COL19A1: variants seen among roughly 807,000 people sequenced by gnomAD.
COL19A1 encodes collagen type XIX alpha 1 chain.
Under a neutral mutation model 190.2 loss-of-function variants are expected in COL19A1, and 159 were observed. The observed-to-expected ratio is 0.84, with a 90% CI of 0.73 to 0.95. The LOEUF (loss-of-function observed/expected upper bound fraction) is 0.95, where lower values mean the gene tolerates loss of function less well. Among genes scored for constraint, COL19A1 ranks in the 40% least tolerant of loss-of-function variants. The pLI, the probability that COL19A1 is intolerant of heterozygous loss-of-function variation, is 0.00. For synonymous variants in COL19A1, 509 were observed against 458.9 expected (o/e 1.11, Z -1.39); for missense variants, 1,418 against 1,431.9 (o/e 0.99, Z 0.16).
chr6:70,132,578 C>T (rs1349318401), intron 18 of COL19A1, among the ~76,000 whole-genome samples: 1 of 152,196 alleles, frequency 6.6e-6, no homozygotes, highest in Non-Finnish European at 1.5e-5. Context: ...TCAAGCTGTT[C>T]TCAGAGATCT....
At chr6:69,953,695 C>G (rs2150037444) in intron 9 of COL19A1, among the ~76,000 whole-genome samples, 1 of 152,092 alleles carries the variant, frequency 6.6e-6, no homozygotes, top group Middle Eastern at 3.4e-3. Flanking sequence ...GGATGACAAG[C>G]TCACCACATG....
chr6:70,135,312 G>T (rs1255490193), intron 18 of COL19A1, among the ~76,000 whole-genome samples: 1 of 152,066 alleles, frequency 6.6e-6, no homozygotes, highest in Non-Finnish European at 1.5e-5. Context: ...ATTTGTCACT[G>T]GTGACCAAGT....
intron 41 of COL19A1, among the ~76,000 whole-genome samples, chr6:70,172,751 A>G (rs1437207097): frequency 6.6e-6 from 1 of 152,234 alleles, no homozygotes; most frequent in Non-Finnish European, 1.5e-5. Flanking sequence ...CACTAATAAA[A>G]AGGCTTAACA....
chr6:69,906,398 G>C (rs749039985), intron 4 of COL19A1, among the ~76,000 whole-genome samples: 2 of 152,236 alleles, frequency 1.3e-5, no homozygotes, highest in Non-Finnish European at 2.9e-5. Context: ...TGTCTGGAAT[G>C]CTATGTTGAG....
chr6:69,899,449 G>A (rs949293749), intron 3 of COL19A1, among the ~76,000 whole-genome samples: 1 of 151,926 alleles, frequency 6.6e-6, no homozygotes, highest in African/African-American at 2.4e-5. Context: ...CACCATGCCC[G>A]ACCCATAAAA....
At chr6:69,932,708 AT>A (rs1772857325) in intron 6 of COL19A1, 74 bp from the exon 7 acceptor site, 3 of 748,968 alleles carry the variant, frequency 4.0e-6, no homozygotes, top group Non-Finnish European at 6.7e-6. Flanking sequence ...TTCTGATTAA[AT>A]TACTGTAGTT....
chr6:70,147,694 A>G (rs755814814), intron 27 of COL19A1, among the ~76,000 whole-genome samples: 1 of 152,136 alleles, frequency 6.6e-6, no homozygotes, highest in African/African-American at 2.4e-5. Flanking sequence ...ATGGACATCA[A>G]CTGAATGTTC....
At chr6:69,960,077 T>C (rs1774681662) in intron 10 of COL19A1, 37 bp downstream of exon 10, 1 of 1,573,050 alleles carries the variant, frequency 6.4e-7, no homozygotes, top group Non-Finnish European at 8.7e-7. Context: ...GAGTTAAGAA[T>C]TTTAACGTGT....
chr6:70,143,161 C>A (rs1270565862), intron 23 of COL19A1, among the ~76,000 whole-genome samples: 1 of 152,084 alleles, frequency 6.6e-6, no homozygotes, highest in Non-Finnish European at 1.5e-5. Context: ...AAAGAGAAAG[C>A]AAACATTTTC....
At chr6:69,881,124 C>G (rs1275586270) in intron 2 of COL19A1, among the ~76,000 whole-genome samples, 1 of 152,136 alleles carries the variant, frequency 6.6e-6, no homozygotes, top group Non-Finnish European at 1.5e-5. Context: ...ATCGCATATT[C>G]CCATTTTGCA....
chr6:70,109,541 AGTGTGTGTGTGTGT>A (rs60219800), intron 16 of COL19A1, among the ~76,000 whole-genome samples: 3 of 143,990 alleles, frequency 2.1e-5, no homozygotes, highest in Admixed American at 7.0e-5. Flanking sequence ...CCGTTTTGTA[AGTGTGTGTGTGTGT>A]GTGTGTGTGT....
At chr6:70,097,886 C>T (rs1160111554) in intron 15 of COL19A1, among the ~76,000 whole-genome samples, 3 of 152,130 alleles carry the variant, frequency 2.0e-5, no homozygotes, top group Non-Finnish European at 4.4e-5. Context: ...AGAATAGCCA[C>T]CCTAACCAGG....
intron 48 of COL19A1, among the ~76,000 whole-genome samples, chr6:70,192,085 G>A (rs888505183): frequency 6.6e-6 from 1 of 152,028 alleles, no homozygotes; most frequent in Non-Finnish European, 1.5e-5. Context: ...TGGTTTCTGA[G>A]GAGTCTCATC....
intron 48 of COL19A1, among the ~76,000 whole-genome samples, 167 bp downstream of exon 48, chr6:70,190,548 A>G (rs113234743): frequency 6.6e-6 from 1 of 152,226 alleles, no homozygotes; most frequent in Non-Finnish European, 1.5e-5. Flanking sequence ...TCTTCTTTAT[A>G]CAAAGTTAAC....
At chr6:70,130,153 T>C in intron 17 of COL19A1, 29 bp from the exon 18 acceptor site, 2 of 1,609,408 alleles carry the variant, frequency 1.2e-6, no homozygotes, top group Middle Eastern at 3.3e-4. Flanking sequence ...GATTTTTCTT[T>C]TGTATTTTAA....
At chr6:70,087,868 G>A (rs543027387) in intron 15 of COL19A1, among the ~76,000 whole-genome samples, 14 of 152,244 alleles carry the variant, frequency 9.2e-5, no homozygotes, top group South Asian at 2.1e-4. Flanking sequence ...CACTAGTGTC[G>A]GCACTAGAGA....
At position 70,209,831 on chromosome 6, in the gene COL19A1, T is replaced by G. The variant is rs747185899; in HGVS notation, c.*2557T>G. On this transcript the variant is annotated 3_prime_UTR_variant, in exon 51 of 51. Coordinates refer to ENST00000620364, the MANE Select transcript of COL19A1 (RefSeq NM_001858.6). ...CTGCCTCAGCTCTGTACACATGATA[T>G]GCAACAAAGGGCAGCAAGAAATGCT... The G allele has an allele frequency of 6.6e-6, 1 of 152,200 alleles. No individual in the cohort carries two copies. Among genetic ancestry groups the G allele is most frequent in the Non-Finnish European group, 1.5e-5 (1 of 68,028 alleles). The allele number at this position is 152,200 out of a possible 1,614,324, so 9.4% of individuals were successfully genotyped here. A position where few individuals can be genotyped will look rare whatever the true frequency, so the allele number is the denominator to read the frequency against.
At chr6:69,916,628 T>C (rs913232104) in intron 4 of COL19A1, among the ~76,000 whole-genome samples, 18 of 152,356 alleles carry the variant, frequency 1.2e-4, no homozygotes, top group African/African-American at 4.1e-4. Flanking sequence ...ATAAATACTT[T>C]GCTTGGAGCC....
At chr6:70,175,729 A>G (rs757674220) in intron 41 of COL19A1, among the ~76,000 whole-genome samples, 1 of 152,128 alleles carries the variant, frequency 6.6e-6, no homozygotes, top group Non-Finnish European at 1.5e-5. Context: ...AGTAAACTTT[A>G]GTATCATTTG....
Sources: gnomAD v4.1 joint callset for allele counts (sites outside exome capture counted in the v4.1 genomes callset) on GRCh38, gnomAD v4.1.1 for gene constraint, MANE v1.5 for transcripts, NCBI Gene and HGNC (gene_info 2026-07-23, HGNC 2026-07-21) for gene names.